The following PARD3B variants were observed in gnomAD, a reference collection of about 807,000 sequenced individuals.
The protein encoded by PARD3B is par-3 family cell polarity regulator beta, also known as partitioning defective 3 homolog B.
In PARD3B, 103 loss-of-function variants were observed where a neutral mutation model predicts 130.2. The ratio of observed to expected loss-of-function variants is 0.79; its 90% confidence interval spans 0.67 to 0.93. The LOEUF (loss-of-function observed/expected upper bound fraction) is 0.93. Among genes scored for constraint, PARD3B ranks in the 40% least tolerant of loss-of-function variants. The pLI is 0.00. For missense variants in PARD3B, 1,609 were observed against 1,499.2 expected (o/e 1.07, Z -1.21); for synonymous variants, 583 against 553.2 (o/e 1.05, Z -0.76).
chr2:205,008,369 C>T (rs918898496), intron 3 of PARD3B, among the ~76,000 whole-genome samples: 1 of 150,996 alleles, frequency 6.6e-6, no homozygotes, highest in Admixed American at 6.6e-5. Flanking sequence ...TTTAGGCTTC[C>T]TTTAACATAA....
intron 2 of PARD3B, among the ~76,000 whole-genome samples, chr2:204,796,179 G>T (rs2042369099): frequency 6.6e-6 from 1 of 152,196 alleles, no homozygotes; most frequent in Non-Finnish European, 1.5e-5. Flanking sequence ...CAATTGCTGT[G>T]TGTAGTTACT....
chr2:204,656,027 G>A (rs1261220946), intron 1 of PARD3B, among the ~76,000 whole-genome samples: 1 of 151,962 alleles, frequency 6.6e-6, no homozygotes, highest in African/African-American at 2.4e-5. Context: ...TTTTCTCATA[G>A]CAAAGGAAAT....
At position 205,553,614 on chromosome 2, in the gene PARD3B, A is replaced by G. The variant is rs1559210526; in HGVS notation, c.3260+211A>G. 2.0e-5 allele frequency among the ~76,000 whole-genome samples: 3 copies of G among 152,230 alleles called. No homozygotes were observed. The East Asian group carries it at 5.8e-4, about 29-fold the overall frequency. On this transcript the variant is annotated intron_variant, in intron 22 of 22. Transcript: ENST00000406610. Reference sequence around the variant, plus strand: ...TTTTAAGGGGAGAAAATAGTATATCATTGCAATTGAACGTGTCAGCAAGAA... The same window carrying G: ...TTTTAAGGGGAGAAAATAGTATATCGTTGCAATTGAACGTGTCAGCAAGAA...
chr2:205,157,220 G>A (rs2034228983), intron 10 of PARD3B, among the ~76,000 whole-genome samples: 2 of 152,040 alleles, frequency 1.3e-5, no homozygotes, highest in African/African-American at 4.8e-5. Context: ...ATTCTAAATT[G>A]GGCATTTTGA....
chr2:204,551,878 A>C (rs1403239291), intron 1 of PARD3B, among the ~76,000 whole-genome samples: 1 of 152,138 alleles, frequency 6.6e-6, no homozygotes, highest in African/African-American at 2.4e-5. Flanking sequence ...AAACATTCAG[A>C]GCTTTGGGCC....
intron 19 of PARD3B, among the ~76,000 whole-genome samples, chr2:205,408,253 A>G (rs2046477819): frequency 6.6e-6 from 1 of 152,202 alleles, no homozygotes; most frequent in African/African-American, 2.4e-5. Flanking sequence ...TTGGCAAACC[A>G]AGATTTAATT....
intron 2 of PARD3B, among the ~76,000 whole-genome samples, chr2:204,809,294 T>C (rs955315178): frequency 6.6e-6 from 1 of 152,226 alleles, no homozygotes; most frequent in East Asian, 1.9e-4. Flanking sequence ...ATCCCATGTG[T>C]CAATTTTTGC....
intron 20 of PARD3B, among the ~76,000 whole-genome samples, chr2:205,453,672 C>CA (rs2048178921): frequency 6.6e-6 from 1 of 152,136 alleles, no homozygotes; most frequent in Non-Finnish European, 1.5e-5. Context: ...TAAGGTTTTT[C>CA]AAACTTCATG....
intron 1 of PARD3B, among the ~76,000 whole-genome samples, chr2:204,549,836 CT>C (rs1344019669): frequency 6.6e-6 from 1 of 151,990 alleles, no homozygotes; most frequent in Non-Finnish European, 1.5e-5. Flanking sequence ...GGATTCAAAC[CT>C]TTTAAGTGTC....
At chr2:205,586,381 C>A (rs2054196996) in intron 22 of PARD3B, among the ~76,000 whole-genome samples, 1 of 152,148 alleles carries the variant, frequency 6.6e-6, no homozygotes, top group South Asian at 2.1e-4. Context: ...TACCATAATT[C>A]TTTTATGTGG....
chr2:205,224,370 C>CAAAAGA (rs1302838414), intron 15 of PARD3B, among the ~76,000 whole-genome samples: 1 of 56,002 alleles, frequency 1.8e-5, no homozygotes, highest in Non-Finnish European at 2.9e-5. Context: ...GACTCCGTCT[C>CAAAAGA]AAAAAAAAAA....
At chr2:204,800,027 CAAAT>C (rs910253310) in intron 2 of PARD3B, among the ~76,000 whole-genome samples, 8 of 152,236 alleles carry the variant, frequency 5.3e-5, no homozygotes, top group East Asian at 1.9e-4. Flanking sequence ...TCTCACCAAA[CAAAT>C]AAAGTACCAG....
chr2:205,201,915 A>G (rs1430720629), intron 15 of PARD3B, among the ~76,000 whole-genome samples: 1 of 152,224 alleles, frequency 6.6e-6, no homozygotes, highest in African/African-American at 2.4e-5. Flanking sequence ...TAATATGTAC[A>G]CAGATTATAA....
At chr2:205,202,249 G>A (rs1369992263) in intron 15 of PARD3B, among the ~76,000 whole-genome samples, 1 of 152,166 alleles carries the variant, frequency 6.6e-6, no homozygotes, top group Admixed American at 6.5e-5. Flanking sequence ...TATTTCAGAT[G>A]TAGCGGAATA....
chr2:205,121,170 C>G lies in PARD3B; in HGVS notation c.807-421C>G, dbSNP rs986044527. Among the ~76,000 whole-genome samples, 2 of 152,224 alleles carry G rather than the reference C, an allele frequency of 1.3e-5. No individual in the cohort carries two copies. Among genetic ancestry groups the G allele is most frequent in the Admixed American group, 1.3e-4 (2 of 15,280 alleles). ...GAAGGATGTCCTAAAAGAAACCTAA[C>G]TAATGATCTGATCCAAAATATCTAT... On this transcript the variant is annotated intron_variant, in intron 7 of 22. Coordinates refer to ENST00000406610, the MANE Select transcript of PARD3B (RefSeq NM_001302769.2). The surrounding 1 kb of genome is among the most constrained non-coding windows in gnomAD (Gnocchi z 5.0).
chr2:205,330,609 T>G (rs1163933857), intron 18 of PARD3B, among the ~76,000 whole-genome samples: 2 of 152,238 alleles, frequency 1.3e-5, no homozygotes, highest in East Asian at 3.9e-4. Flanking sequence ...GGCATTTCTT[T>G]TGGGGCTACA....
chr2:204,771,652 AC>A (rs1315203090), intron 2 of PARD3B, among the ~76,000 whole-genome samples: 1 of 151,996 alleles, frequency 6.6e-6, no homozygotes, highest in Non-Finnish European at 1.5e-5. Flanking sequence ...CTGCACATAT[AC>A]CCCCTGAATC....
At chr2:204,900,040 C>T (rs1301836361) in intron 2 of PARD3B, among the ~76,000 whole-genome samples, 1 of 152,084 alleles carries the variant, frequency 6.6e-6, no homozygotes, top group Non-Finnish European at 1.5e-5. Context: ...GGGATCCCCT[C>T]TTTATCCTTG....
chr2:204,641,994 A>G (rs1389359742), intron 1 of PARD3B, among the ~76,000 whole-genome samples: 1 of 152,232 alleles, frequency 6.6e-6, no homozygotes, highest in East Asian at 1.9e-4. Context: ...GGAATAATCA[A>G]GTATCTCAGA....
Sources: gnomAD v4.1 joint callset for allele counts (sites outside exome capture counted in the v4.1 genomes callset) on GRCh38, gnomAD v4.1.1 for gene constraint, Gnocchi (gnomAD v3.1) non-coding constraint, MANE v1.5 for transcripts, NCBI Gene and HGNC (gene_info 2026-07-23, HGNC 2026-07-21) for gene names.